DUSP13B: variants seen among roughly 807,000 people sequenced by gnomAD.
The protein encoded by DUSP13B is dual specificity protein phosphatase 13B.
chr10:75,103,831 G>T, the DUSP13B span: 2 of 1,218,704 alleles, frequency 1.6e-6, no homozygotes, highest in Non-Finnish European at 2.1e-6. Context: ...CACTTTCCCA[G>T]GGAACTTGGG....
At chr10:75,104,319 C>G in the DUSP13B span, among the ~76,000 whole-genome samples, 1 of 152,172 alleles carries the variant, frequency 6.6e-6, no homozygotes, top group African/African-American at 2.4e-5. Flanking sequence ...CCTTATCTTT[C>G]AGAGTACCTG....
the DUSP13B span, chr10:75,099,337 G>C: frequency 2.4e-5 from 30 of 1,232,268 alleles, no homozygotes; most frequent in Non-Finnish European, 3.0e-5. Context: ...CACCCAGTGG[G>C]AGGCTGTCGG....
At chr10:75,094,473 A>AAC in the DUSP13B span, 3 of 594,644 alleles carry the variant, frequency 5.0e-6, no homozygotes, top group Non-Finnish European at 8.9e-6. Flanking sequence ...AGATGGACTG[A>AAC]ACTCACTTTT....
chr10:75,109,076 G>A, the DUSP13B span: 6 of 1,612,354 alleles, frequency 3.7e-6, no homozygotes, highest in African/African-American at 4.0e-5. Flanking sequence ...CCTGCCCGCA[G>A]GAGCTCCTCC....
the DUSP13B span, chr10:75,094,945 G>A: frequency 1.4e-6 from 2 of 1,423,858 alleles, no homozygotes; most frequent in Non-Finnish European, 1.9e-6. Context: ...GGGAAGAAGA[G>A]ACACCCATGG....
chr10:75,096,254 C>CAAA, the DUSP13B span, among the ~76,000 whole-genome samples: 1 of 151,442 alleles, frequency 6.6e-6, no homozygotes, highest in African/African-American at 2.4e-5. Flanking sequence ...GACTCCATCT[C>CAAA]AAAAAAACAA....
At chr10:75,106,101 C>CTTTTTT in the DUSP13B span, among the ~76,000 whole-genome samples, 20 of 123,008 alleles carry the variant, frequency 1.6e-4, no homozygotes, top group Non-Finnish European at 2.2e-4. Flanking sequence ...TCTTTCTTTT[C>CTTTTTT]TTTTTTTTTT....
the DUSP13B span, chr10:75,095,792 G>A: frequency 1.5e-5 from 25 of 1,613,990 alleles, 1 homozygote; most frequent in South Asian, 8.8e-5. Flanking sequence ...CCCGGGCTGC[G>A]TACCTGGAGG....
the DUSP13B span, chr10:75,095,940 G>T: frequency 2.7e-6 from 2 of 729,438 alleles, no homozygotes; most frequent in Middle Eastern, 3.9e-4. Context: ...GGGTGAAGGG[G>T]CTCCTCCTGT....
At chr10:75,103,032 G>GA in the DUSP13B span, among the ~76,000 whole-genome samples, 1 of 152,168 alleles carries the variant, frequency 6.6e-6, no homozygotes, top group African/African-American at 2.4e-5. Context: ...AGAATCACCT[G>GA]AGCCCAGGAA....
chr10:75,094,849 C>A, the DUSP13B span: 2 of 1,614,010 alleles, frequency 1.2e-6, no homozygotes, highest in Non-Finnish European at 1.7e-6. Flanking sequence ...GAGCGGCTTA[C>A]CCCCATGGCA....
the DUSP13B span, chr10:75,097,835 G>A: frequency 6.2e-7 from 1 of 1,613,338 alleles, no homozygotes; most frequent in Non-Finnish European, 8.5e-7. Context: ...TGCCTGGACT[G>A]CCCCATGGAT....
At chr10:75,107,720 G>A in the DUSP13B span, among the ~76,000 whole-genome samples, 2 of 152,248 alleles carry the variant, frequency 1.3e-5, no homozygotes, top group Non-Finnish European at 2.9e-5. Context: ...GAGATTATAG[G>A]TGGGTGCCAC....
At chr10:75,099,508 G>A in the DUSP13B span, 1 of 1,231,842 alleles carries the variant, frequency 8.1e-7, no homozygotes. Context: ...GGCTGGGCAG[G>A]TTCTGCCCAG....
At chr10:75,094,495 C>T in the DUSP13B span, 1 of 617,106 alleles carries the variant, frequency 1.6e-6, no homozygotes, top group Non-Finnish European at 2.8e-6. Flanking sequence ...CATAAAGAAT[C>T]TCTGAATTGG....
the DUSP13B span, chr10:75,109,156 A>C: frequency 6.3e-7 from 1 of 1,582,536 alleles, no homozygotes; most frequent in Non-Finnish European, 8.6e-7. Flanking sequence ...GGTCTCAGCC[A>C]TGGGCCAGCC....
chr10:75,105,607 C>T, the DUSP13B span: 2 of 1,480,108 alleles, frequency 1.4e-6, no homozygotes, highest in Non-Finnish European at 1.8e-6. Flanking sequence ...AGCCTAGGCC[C>T]TCACCTGGCC....
the DUSP13B span, among the ~76,000 whole-genome samples, chr10:75,107,288 G>A: frequency 6.6e-6 from 1 of 151,768 alleles, no homozygotes; most frequent in African/African-American, 2.4e-5. Flanking sequence ...CCAGGAGGCG[G>A]AGGAGCAGAG....
chr10:75,098,958 A>G, the DUSP13B span: 2 of 1,230,986 alleles, frequency 1.6e-6, no homozygotes, highest in Admixed American at 4.2e-5. Context: ...TCACTAACCC[A>G]TCTGCTTCCT....
Sources: allele counts gnomAD v4.1 joint callset (sites outside exome capture counted in the v4.1 genomes callset), GRCh38; gene constraint gnomAD v4.1.1; transcripts MANE v1.5; gene names NCBI Gene and HGNC (gene_info 2026-07-23, HGNC 2026-07-21).